The following SHISA9 variants were observed in gnomAD, a reference collection of about 807,000 sequenced individuals.
The protein encoded by SHISA9 is protein shisa-9.
A neutral mutation model predicts 38.0 loss-of-function variants in SHISA9; 13 were observed. The ratio of observed to expected loss-of-function variants is 0.34; its 90% CI spans 0.22 to 0.54. The LOEUF (loss-of-function observed/expected upper bound fraction) is 0.54. Among genes scored for constraint, SHISA9 ranks in the 20% least tolerant of loss-of-function variants. The pLI is 0.91. For missense variants in SHISA9, 538 were observed against 575.8 expected (o/e 0.93, Z 0.67); for synonymous variants, 275 against 242.0 (o/e 1.14, Z -1.27).
At chr16:13,513,878 G>T in the SHISA9 span, among the ~76,000 whole-genome samples, 190 of 152,296 alleles carry the variant, frequency 1.2e-3, no homozygotes, top group African/African-American at 4.3e-3. Flanking sequence ...CCTAATGCAT[G>T]CAGGGCTTAA....
chr16:13,009,098 A>T (rs1193149270), intron 2 of SHISA9, among the ~76,000 whole-genome samples: 1 of 146,592 alleles, frequency 6.8e-6, no homozygotes, highest in Non-Finnish European at 1.5e-5. Context: ...GTGTGTGTGT[A>T]TTTTTTTTTT....
chr16:13,147,566 A>T (rs1243161747), intron 2 of SHISA9, among the ~76,000 whole-genome samples: 1 of 149,476 alleles, frequency 6.7e-6, no homozygotes, highest in African/African-American at 2.5e-5. Flanking sequence ...AGGCTCAAAC[A>T]ATTCTCCTGC....
chr16:12,923,195 A>G (rs1247356257), intron 2 of SHISA9, among the ~76,000 whole-genome samples: 2 of 152,194 alleles, frequency 1.3e-5, no homozygotes, highest in Non-Finnish European at 2.9e-5. Flanking sequence ...CTAATCTACC[A>G]TGATGACTGA....
the SHISA9 span, among the ~76,000 whole-genome samples, chr16:13,353,942 G>T: frequency 6.6e-6 from 1 of 152,096 alleles, no homozygotes; most frequent in East Asian, 1.9e-4. Context: ...CTAAACTGAG[G>T]AATTATGTCT....
the SHISA9 span, among the ~76,000 whole-genome samples, chr16:13,319,648 A>G: frequency 6.6e-6 from 1 of 151,896 alleles, no homozygotes; most frequent in Non-Finnish European, 1.5e-5. Flanking sequence ...CAGGGGGGTT[A>G]CTCAGAATCT....
At position 13,003,812 on chromosome 16, in the gene SHISA9, C is replaced by G. The variant is rs575453209; in HGVS notation, c.691+86997C>G. The stretch of plus-strand genomic sequence containing the variant: ...GGCGGAGGTTGCAGTGAGCCGAGAT[C>G]GCGCCACTGCACTCCAACCTGGACG... On this transcript the variant is annotated intron_variant, in intron 2 of 4. Coordinates refer to ENST00000558583, the MANE Select transcript of SHISA9 (RefSeq NM_001145204.3). Among the ~76,000 whole-genome samples, 453 of 152,068 alleles carry G rather than the reference C, an allele frequency of 3.0e-3. 3 individuals are homozygous for G. Among genetic ancestry groups the G allele is most frequent in the African/African-American group, 0.011 (437 of 41,476 alleles).
chr16:13,228,104 A>T (rs1360000758), intron 4 of SHISA9, among the ~76,000 whole-genome samples: 2 of 152,188 alleles, frequency 1.3e-5, no homozygotes, highest in Non-Finnish European at 2.9e-5. Context: ...CCCATTTCAC[A>T]CCTAAGGAAA....
At chr16:13,484,839 G>C in the SHISA9 span, among the ~76,000 whole-genome samples, 1 of 152,050 alleles carries the variant, frequency 6.6e-6, no homozygotes. Context: ...GCTATCACAA[G>C]AACAGCAGCA....
At chr16:13,285,913 C>G in the SHISA9 span, among the ~76,000 whole-genome samples, 1 of 152,038 alleles carries the variant, frequency 6.6e-6, no homozygotes, top group Non-Finnish European at 1.5e-5. Flanking sequence ...TATTTATCTT[C>G]TACCATTTTA....
rs139757694 is a variant in SHISA9 at position 13,041,843 on chromosome 16, A to G, written c.691+125028A>G. ...CTCTGGTGGGACTCAGGAATCTGCAATTCTAATAAACTCCCTGGGGATTCT... is the reference window on the plus strand; with the variant it reads ...CTCTGGTGGGACTCAGGAATCTGCAGTTCTAATAAACTCCCTGGGGATTCT... On this transcript the variant is annotated intron_variant, in intron 2 of 4. Transcript: ENST00000558583. Among the ~76,000 whole-genome samples the G allele has an allele frequency of 3.9e-5, 6 of 152,312 alleles. No individual in the cohort carries two copies. The East Asian group carries it at 9.7e-4, about 25-fold the overall frequency.
chr16:13,427,122 G>A, the SHISA9 span, among the ~76,000 whole-genome samples: 1 of 152,210 alleles, frequency 6.6e-6, no homozygotes, highest in African/African-American at 2.4e-5. Flanking sequence ...CATTGCAAGA[G>A]GGGAAAGGGA....
chr16:13,250,265 C>A, the SHISA9 span, among the ~76,000 whole-genome samples: 1 of 152,196 alleles, frequency 6.6e-6, no homozygotes, highest in Non-Finnish European at 1.5e-5. Flanking sequence ...AAACCATCTA[C>A]AGCTTTACTT....
chr16:12,984,649 G>C (rs563543829), intron 2 of SHISA9, among the ~76,000 whole-genome samples: 9 of 152,136 alleles, frequency 5.9e-5, no homozygotes, highest in Non-Finnish European at 1.2e-4. Context: ...TTAAAACCTA[G>C]GGTTTTTGAA....
intron 2 of SHISA9, among the ~76,000 whole-genome samples, chr16:12,925,141 A>G (rs2071377403): frequency 6.6e-6 from 1 of 152,318 alleles, no homozygotes; most frequent in Non-Finnish European, 1.5e-5. Flanking sequence ...TCTGCGTGCC[A>G]GTTGATAACA....
the SHISA9 span, among the ~76,000 whole-genome samples, chr16:13,554,309 A>C: frequency 4.0e-5 from 6 of 151,312 alleles, no homozygotes; most frequent in Admixed American, 3.3e-4. Flanking sequence ...AAAAAAAAAA[A>C]AAACACCTTT....
the SHISA9 span, among the ~76,000 whole-genome samples, chr16:13,456,132 T>C: frequency 6.6e-6 from 1 of 152,218 alleles, no homozygotes; most frequent in Admixed American, 6.5e-5. Flanking sequence ...TCAAATGGAA[T>C]TGAAATCTGG....
the SHISA9 span, among the ~76,000 whole-genome samples, chr16:13,533,153 C>T: frequency 6.6e-6 from 1 of 152,218 alleles, no homozygotes; most frequent in Non-Finnish European, 1.5e-5. Context: ...TCCCCCATGA[C>T]TACCTCTTTA....
chr16:13,113,846 G>T (rs1357089263), intron 2 of SHISA9, among the ~76,000 whole-genome samples: 2 of 152,202 alleles, frequency 1.3e-5, no homozygotes, highest in Non-Finnish European at 2.9e-5. Context: ...ATCGTCAAGA[G>T]GAATTATCAC....
intron 2 of SHISA9, among the ~76,000 whole-genome samples, chr16:13,106,426 G>T (rs1596651591): frequency 6.6e-6 from 1 of 152,116 alleles, no homozygotes; most frequent in Admixed American, 6.5e-5. Flanking sequence ...CTGAACCTCA[G>T]TTTCCTTGTT....
Sources: gnomAD v4.1 joint callset for allele counts (sites outside exome capture counted in the v4.1 genomes callset) on GRCh38, gnomAD v4.1.1 for gene constraint, MANE v1.5 for transcripts, NCBI Gene and HGNC (gene_info 2026-07-23, HGNC 2026-07-21) for gene names.